The following SH3GL2 variants were observed in gnomAD, a reference collection of about 807,000 sequenced individuals.
SH3GL2 encodes SH3 domain containing GRB2 like 2, endophilin A1.
A neutral mutation model predicts 46.0 loss-of-function variants in SH3GL2; 24 were observed. That is an observed-to-expected ratio of 0.52 (90% CI 0.38 to 0.73). The LOEUF is 0.73. SH3GL2 is among the 30% of genes least tolerant of loss of function. The pLI is 0.00. For synonymous variants in SH3GL2, 196 were observed against 147.1 expected (o/e 1.33, Z -2.40); for missense variants, 413 against 424.2 (o/e 0.97, Z 0.23).
chr9:17,676,659 T>C (rs1169673111), intron 1 of SH3GL2, among the ~76,000 whole-genome samples: 1 of 152,188 alleles, frequency 6.6e-6, no homozygotes, highest in African/African-American at 2.4e-5. Flanking sequence ...TATTCTTCTT[T>C]AATACATAAT....
chr9:17,633,237 C>T (rs1454575803), intron 1 of SH3GL2, among the ~76,000 whole-genome samples: 1 of 152,140 alleles, frequency 6.6e-6, no homozygotes, highest in Non-Finnish European at 1.5e-5. Flanking sequence ...AATGAGACGC[C>T]ATGATGAGTG....
At chr9:17,764,621 T>G (rs1823269730) in intron 3 of SH3GL2, among the ~76,000 whole-genome samples, 1 of 151,932 alleles carries the variant, frequency 6.6e-6, no homozygotes, top group African/African-American at 2.4e-5. Flanking sequence ...TCAGTAGGAT[T>G]TGATGCTTCG....
At chr9:17,745,023 C>T (rs1822640074) in intron 1 of SH3GL2, among the ~76,000 whole-genome samples, 1 of 152,136 alleles carries the variant, frequency 6.6e-6, no homozygotes, top group Non-Finnish European at 1.5e-5. Flanking sequence ...TGTAAAAACT[C>T]CTAGGGGTTT....
chr9:17,789,713 C>G, intron 6 of SH3GL2, 163 bp downstream of exon 6: 2 of 1,368,418 alleles, frequency 1.5e-6, no homozygotes, highest in South Asian at 1.7e-5. Flanking sequence ...ATAAAGTAGA[C>G]TGAGAAATAG....
chr9:17,692,967 G>T (rs192910749), intron 1 of SH3GL2, among the ~76,000 whole-genome samples: 1 of 151,988 alleles, frequency 6.6e-6, no homozygotes, highest in Non-Finnish European at 1.5e-5. Flanking sequence ...GAATAGCAAG[G>T]GGAGAGACCA....
chr9:17,623,705 T>TACACACACACAC (rs10660392), intron 1 of SH3GL2, among the ~76,000 whole-genome samples: 81 of 147,896 alleles, frequency 5.5e-4, no homozygotes, highest in African/African-American at 1.8e-3. Context: ...TATAATTTCC[T>TACACACACACAC]ACACACACAC....
chr9:17,656,550 A>G (rs1285008280), intron 1 of SH3GL2, among the ~76,000 whole-genome samples: 1 of 152,152 alleles, frequency 6.6e-6, no homozygotes, highest in East Asian at 1.9e-4. Flanking sequence ...TTATTAAAGT[A>G]TATGCCTGTG....
chr9:17,763,021 G>C (rs1017137362), intron 3 of SH3GL2, among the ~76,000 whole-genome samples: 2 of 152,176 alleles, frequency 1.3e-5, no homozygotes, highest in African/African-American at 2.4e-5. Context: ...GTAGGGCTAA[G>C]AGAAAGGCAG....
chr9:17,653,722 G>T (rs1344494112), intron 1 of SH3GL2: 4 of 168,318 alleles, frequency 2.4e-5, no homozygotes, highest in African/African-American at 7.2e-5. Flanking sequence ...GTACTTAAAT[G>T]ATTTATTGCT....
At chr9:17,772,993 C>T (rs1554648704) in intron 3 of SH3GL2, among the ~76,000 whole-genome samples, 1 of 152,098 alleles carries the variant, frequency 6.6e-6, no homozygotes, top group Non-Finnish European at 1.5e-5. Flanking sequence ...CTTGCTAACA[C>T]TTGTTATTTT....
chr9:17,696,955 G>T (rs1278138112), intron 1 of SH3GL2, among the ~76,000 whole-genome samples: 1 of 152,070 alleles, frequency 6.6e-6, no homozygotes. Context: ...GACTGAACAT[G>T]CAGAAGCCTC....
intron 2 of SH3GL2, among the ~76,000 whole-genome samples, chr9:17,751,960 G>A (rs1193658241): frequency 3.3e-5 from 5 of 152,110 alleles, no homozygotes; most frequent in African/African-American, 1.2e-4. Context: ...CTTCCTCTGA[G>A]TTACATGTTT....
At chr9:17,618,093 T>C (rs1364819630) in intron 1 of SH3GL2, among the ~76,000 whole-genome samples, 2 of 152,140 alleles carry the variant, frequency 1.3e-5, no homozygotes, top group African/African-American at 4.8e-5. Context: ...AATAGATTTT[T>C]TTCCCTCCAG....
chr9:17,650,450 A>C (rs1309510574), intron 1 of SH3GL2, among the ~76,000 whole-genome samples: 1 of 151,962 alleles, frequency 6.6e-6, no homozygotes, highest in Non-Finnish European at 1.5e-5. Flanking sequence ...TGGCTCATGG[A>C]GACCTCTGCC....
chr9:17,706,150 G>A (rs982847736), intron 1 of SH3GL2, among the ~76,000 whole-genome samples: 1 of 151,980 alleles, frequency 6.6e-6, no homozygotes, highest in Non-Finnish European at 1.5e-5. Context: ...TCATTTGAGA[G>A]TTTACCCCTT....
chr9:17,747,777 C>A (rs373403525), intron 2 of SH3GL2, among the ~76,000 whole-genome samples: 1 of 152,046 alleles, frequency 6.6e-6, no homozygotes. Flanking sequence ...TGGGTTCAAG[C>A]GATCTCCTGC....
At chr9:17,628,313 C>T (rs967015932) in intron 1 of SH3GL2, among the ~76,000 whole-genome samples, 1 of 152,034 alleles carries the variant, frequency 6.6e-6, no homozygotes, top group Non-Finnish European at 1.5e-5. Flanking sequence ...TTTTGATTGG[C>T]TGGAAGTAGA....
chr9:17,711,719 A>T (rs1821629894), intron 1 of SH3GL2, among the ~76,000 whole-genome samples: 1 of 151,774 alleles, frequency 6.6e-6, no homozygotes, highest in African/African-American at 2.4e-5. Context: ...GCACCTGTTG[A>T]TGGATGTTGG....
intron 1 of SH3GL2, among the ~76,000 whole-genome samples, chr9:17,724,833 T>C (rs1821983228): frequency 6.6e-6 from 1 of 152,168 alleles, no homozygotes; most frequent in African/African-American, 2.4e-5. Flanking sequence ...TGTTTATCTG[T>C]TAGTGTGGGT....
Sources: gnomAD v4.1 joint callset for allele counts (sites outside exome capture counted in the v4.1 genomes callset) on GRCh38, gnomAD v4.1.1 for gene constraint, MANE v1.5 for transcripts, NCBI Gene and HGNC (gene_info 2026-07-23, HGNC 2026-07-21) for gene names.